The following RSF1 variants were observed in gnomAD, a reference collection of about 807,000 sequenced individuals.
RSF1 encodes remodeling and spacing factor 1.
In RSF1, 13 loss-of-function variants were observed where a neutral mutation model predicts 145.2. That is an observed-to-expected ratio of 0.09 (90% CI 0.06 to 0.14). RSF1 has a LOEUF of 0.14. Ranked by LOEUF, RSF1 falls within the 10% of genes least tolerant of loss-of-function variation. RSF1 has a pLI of 1.00. For synonymous variants in RSF1, 577 were observed against 592.6 expected (o/e 0.97, Z 0.38); for missense variants, 1,517 against 1,718.2 (o/e 0.88, Z 2.07).
intron 7 of RSF1, among the ~76,000 whole-genome samples, chr11:77,697,800 G>C (rs568806049): frequency 2.4e-4 from 37 of 151,808 alleles, no homozygotes; most frequent in African/African-American, 8.4e-4. Flanking sequence ...ATCACATGGG[G>C]TAACTAGGGT....
chr11:77,692,873 T>G (rs1183781876), intron 8 of RSF1, among the ~76,000 whole-genome samples: 5 of 152,004 alleles, frequency 3.3e-5, no homozygotes, highest in African/African-American at 1.2e-4. Flanking sequence ...AGACAGAGTT[T>G]CACCATGTTG....
intron 5 of RSF1, among the ~76,000 whole-genome samples, chr11:77,714,258 T>C (rs1210633212): frequency 1.3e-5 from 2 of 152,214 alleles, no homozygotes; most frequent in African/African-American, 2.4e-5. Context: ...AGGCCCATAG[T>C]ACCTGAGAAT....
chr11:77,692,646 T>C (rs1293604547), intron 8 of RSF1, among the ~76,000 whole-genome samples: 1 of 151,194 alleles, frequency 6.6e-6, no homozygotes, highest in East Asian at 2.0e-4. Flanking sequence ...CCCAAGGAGC[T>C]GGGACTATAC....
chr11:77,678,218 T>TTTTA, intron 11 of RSF1, 65 bp from the exon 12 acceptor site: 1 of 914,144 alleles, frequency 1.1e-6, no homozygotes. Context: ...TTTTAATTAT[T>TTTTA]TTTATTTATT....
chr11:77,770,286 C>T (rs760508438), intron 1 of RSF1, among the ~76,000 whole-genome samples: 3 of 152,080 alleles, frequency 2.0e-5, no homozygotes, highest in Non-Finnish European at 4.4e-5. Flanking sequence ...CACGGTAAAA[C>T]CCCATCTCTA....
the RSF1 span, among the ~76,000 whole-genome samples, chr11:77,835,013 T>C: frequency 6.6e-6 from 1 of 152,216 alleles, no homozygotes; most frequent in Non-Finnish European, 1.5e-5. Flanking sequence ...ATCTGATTTA[T>C]AAGGATAAAT....
the RSF1 span, among the ~76,000 whole-genome samples, chr11:77,836,116 G>A: frequency 1.3e-5 from 2 of 152,032 alleles, no homozygotes; most frequent in African/African-American, 4.8e-5. Context: ...TACATAGTAG[G>A]TTCCCAATAA....
chr11:77,780,181 G>C (rs1948388643), intron 1 of RSF1, among the ~76,000 whole-genome samples: 1 of 152,130 alleles, frequency 6.6e-6, no homozygotes, highest in East Asian at 1.9e-4. Context: ...ATTCCATAAA[G>C]ACTTGTTCAA....
At chr11:77,720,873 T>C (rs1341745255) in intron 5 of RSF1, among the ~76,000 whole-genome samples, 1 of 152,212 alleles carries the variant, frequency 6.6e-6, no homozygotes, top group Non-Finnish European at 1.5e-5. Flanking sequence ...CTAGCAAATT[T>C]AGACTTTCAG....
chr11:77,837,167 G>T, the RSF1 span, among the ~76,000 whole-genome samples: 1 of 151,920 alleles, frequency 6.6e-6, no homozygotes, highest in African/African-American at 2.4e-5. Flanking sequence ...ACGTAGTCTC[G>T]CTCTGTCACC....
chr11:77,680,343 G>A (rs1389767533), intron 11 of RSF1, among the ~76,000 whole-genome samples: 1 of 152,130 alleles, frequency 6.6e-6, no homozygotes, highest in African/African-American at 2.4e-5. Flanking sequence ...GGGAAGCTGA[G>A]GCAATAGGAC....
At chr11:77,845,005 G>A in the RSF1 span, among the ~76,000 whole-genome samples, 1 of 152,082 alleles carries the variant, frequency 6.6e-6, no homozygotes, top group Admixed American at 6.6e-5. Context: ...CCTTGGACTT[G>A]TTGAGTTGCT....
At position 77,753,381 on chromosome 11, in the gene RSF1, T is replaced by C. The variant is rs141612351; in HGVS notation, c.280-6253A>G. ...TCCTGGGCTTAAACTTTGGGAGACA[T>C]TTAGTTTACAATTTAAATGACAATG... On this transcript the variant is annotated intron_variant, in intron 2 of 15. Coordinates refer to ENST00000308488, the MANE Select transcript of RSF1 (RefSeq NM_016578.4). Among the ~76,000 whole-genome samples, 50 of 152,306 alleles carry C rather than the reference T, an allele frequency of 3.3e-4. No homozygotes were observed. The East Asian group carries it at 9.6e-3, about 29-fold the overall frequency.
chr11:77,695,957 A>G (rs1221678262), intron 7 of RSF1, among the ~76,000 whole-genome samples: 1 of 152,144 alleles, frequency 6.6e-6, no homozygotes, highest in Non-Finnish European at 1.5e-5. Flanking sequence ...AGTATAGATG[A>G]AGTTTCTGCA....
chr11:77,820,788 CCTT>C, upstream of RSF1: 1 of 1,449,578 alleles, frequency 6.9e-7, no homozygotes, highest in Admixed American at 2.3e-5. Context: ...GGCAAGGCAA[CCTT>C]ACAGACGACA....
upstream of RSF1, among the ~76,000 whole-genome samples, chr11:77,822,320 C>G (rs892631690): frequency 2.7e-5 from 4 of 146,298 alleles, no homozygotes; most frequent in African/African-American, 5.1e-5. Flanking sequence ...GAGGCTGATG[C>G]AGGAGAACCC....
chr11:77,798,416 C>A (rs12286116), intron 1 of RSF1, among the ~76,000 whole-genome samples: 1 of 151,310 alleles, frequency 6.6e-6, no homozygotes, highest in South Asian at 2.1e-4. Context: ...GAAACCCCGT[C>A]TCTACTAAAA....
At chr11:77,729,925 T>C (rs867614468) in intron 4 of RSF1, among the ~76,000 whole-genome samples, 13 of 48,202 alleles carry the variant, frequency 2.7e-4, no homozygotes, top group African/African-American at 8.7e-4. Flanking sequence ...AAAAAAAAAT[T>C]GTGGAGGCCA....
Position 77,701,817 on chromosome 11 carries a change from C to T in RSF1, c.1412G>A (p.Ser471Asn), listed in dbSNP as rs1251967351. ...ETKFYETKEE[S>N]YSPSKDRNII... is the part of the protein sequence containing the mutation. Reference sequence around the variant, plus strand: ...ATTTCTGTCCTTAGAGGGGCTATAGCTCTCTTCCTTTGTCTCATAAAACTT... The same window carrying T: ...ATTTCTGTCCTTAGAGGGGCTATAGTTCTCTTCCTTTGTCTCATAAAACTT... The change falls in exon 6 of 16, where the codon AGC becomes AAC. Residue 471 changes from serine to asparagine, a missense_variant. Transcript: ENST00000308488. The T allele has an allele frequency of 1.2e-6, 2 of 1,614,074 alleles. No individual in the cohort carries two copies. The highest frequency in any genetic ancestry group is 1.3e-5 in the African/African-American group (1 of 75,030).
Sources: gnomAD v4.1 joint callset for allele counts (sites outside exome capture counted in the v4.1 genomes callset) on GRCh38, gnomAD v4.1.1 for gene constraint, MANE v1.5 for transcripts, NCBI Gene and HGNC (gene_info 2026-07-23, HGNC 2026-07-21) for gene names.